Variants in PRKN observed in about 807,000 individuals in gnomAD.
PRKN encodes parkin RBR E3 ubiquitin protein ligase, also known as E3 ubiquitin-protein ligase parkin.
A neutral mutation model predicts 59.5 loss-of-function variants in PRKN; 56 were observed. That is an observed-to-expected ratio of 0.94 (90% CI 0.76 to 1.18). The LOEUF is 1.18. Ranked by LOEUF, PRKN falls within the 50% of genes most tolerant of loss-of-function variation. PRKN has a pLI of 0.00. For synonymous variants in PRKN, 250 were observed against 222.1 expected, an observed-to-expected ratio of 1.13 and a Z score of -1.12; for missense variants, 657 against 596.4, an observed-to-expected ratio of 1.10 and a Z score of -1.06.
chr6:162,224,202 C>T (rs115927042), intron 3 of PRKN, among the ~76,000 whole-genome samples: 1,674 of 152,214 alleles, frequency 0.011, 35 homozygotes, highest in African/African-American at 0.038. Flanking sequence ...TACAGAACTG[C>T]CTAACAATGT....
At chr6:161,599,208 T>A (rs9458313) in intron 7 of PRKN, among the ~76,000 whole-genome samples, 1,939 of 152,304 alleles carry the variant, frequency 0.013, 49 homozygotes, top group African/African-American at 0.043. Flanking sequence ...TTTTAAGCCA[T>A]CCAAGCTTGT....
intron 3 of PRKN, among the ~76,000 whole-genome samples, chr6:162,249,097 C>G (rs182450668): frequency 2.6e-5 from 4 of 152,214 alleles, no homozygotes; most frequent in African/African-American, 7.2e-5. Flanking sequence ...CCAGGATGGT[C>G]TCGATCTCTT....
rs975667788 is a variant in PRKN, at chr6:161,378,061, C to A, written c.1167+8733G>T. ...ATACAAGCTCCTAAGCAGTGGCAAA[C>A]GTCTTGGCAGCCTCTTTAAGGGCAG... On this transcript the variant is annotated intron_variant, in intron 10 of 11. Coordinates refer to ENST00000366898, the MANE Select transcript of PRKN (RefSeq NM_004562.3). The surrounding 1 kb of genome is among the most constrained non-coding windows in gnomAD (Gnocchi z 7.3). Among the ~76,000 whole-genome samples, 4 of 152,130 alleles carry A rather than the reference C, an allele frequency of 2.6e-5. No individual in the cohort carries two copies. Among genetic ancestry groups the A allele is most frequent in the Non-Finnish European group, 5.9e-5 (4 of 68,024 alleles).
At chr6:161,587,583 T>A (rs10484814) in intron 7 of PRKN, among the ~76,000 whole-genome samples, 27,544 of 152,170 alleles carry the variant, frequency 0.18, 3,086 homozygotes, top group East Asian at 0.54. Context: ...ATAAGTTTGA[T>A]CATTCTTATG....
At chr6:162,725,684 G>C (rs1372743321) in intron 1 of PRKN, among the ~76,000 whole-genome samples, 1 of 151,682 alleles carries the variant, frequency 6.6e-6, no homozygotes, top group Non-Finnish European at 1.5e-5. Context: ...GATCACTTGA[G>C]CCCAGGAGTT....
intron 9 of PRKN, among the ~76,000 whole-genome samples, chr6:161,474,752 G>A (rs956183525): frequency 2.0e-5 from 3 of 150,614 alleles, no homozygotes; most frequent in Non-Finnish European, 4.4e-5. Flanking sequence ...TCGCCATCAT[G>A]CCTGGCTAAC....
intron 2 of PRKN, among the ~76,000 whole-genome samples, chr6:162,426,237 TAG>T (rs1789232548): frequency 2.0e-5 from 3 of 151,912 alleles, no homozygotes; most frequent in African/African-American, 7.3e-5. Flanking sequence ...GAAAGACAAA[TAG>T]ACAAACAGAA....
At chr6:161,770,277 C>T (rs543787797) in intron 7 of PRKN, among the ~76,000 whole-genome samples, 2 of 152,134 alleles carry the variant, frequency 1.3e-5, no homozygotes, top group Non-Finnish European at 2.9e-5. Context: ...GCAGAACTTA[C>T]ATACAGAGGG....
At chr6:162,052,650 T>C (rs935063922) in intron 5 of PRKN, among the ~76,000 whole-genome samples, 12 of 152,114 alleles carry the variant, frequency 7.9e-5, no homozygotes, top group Middle Eastern at 3.2e-3. Context: ...GACCCAGGAC[T>C]TTCTGTGCCG....
Position 161,361,360 on chromosome 6 carries a change from G to T in PRKN, c.1168-1155C>A, listed in dbSNP as rs1224821724. On this transcript the variant is annotated intron_variant, in intron 10 of 11. Transcript: ENST00000366898. This position sits in a 1 kb window ranked among gnomAD's most constrained non-coding sequence, Gnocchi z 5.2. ...GGAAAGTCAATTCTTCCAGAGCCAA[G>T]ATCACATTTGAGACATCCTCATATC... 6.6e-6 allele frequency among the ~76,000 whole-genome samples: 1 copy of T among 152,192 alleles called. No homozygotes were observed. Among genetic ancestry groups the T allele is most frequent in the Non-Finnish European group, 1.5e-5 (1 of 68,032 alleles).
At position 161,892,598 on chromosome 6, in the gene PRKN, G is replaced by T. The variant is rs116861668; in HGVS notation, c.734+80704C>A. 7.9e-5 allele frequency among the ~76,000 whole-genome samples: 12 copies of T among 152,144 alleles called. No homozygotes were observed. The East Asian group carries it at 2.1e-3, about 27-fold the overall frequency. On this transcript the variant is annotated intron_variant, in intron 6 of 11. Coordinates refer to ENST00000366898, the MANE Select transcript of PRKN (RefSeq NM_004562.3). Reference sequence around the variant, plus strand: ...AGAAACTACAGCAAGTTTGTTTTCAGAAACCAAAGAGGCTGAGGTGGGAGG... The same window carrying T: ...AGAAACTACAGCAAGTTTGTTTTCATAAACCAAAGAGGCTGAGGTGGGAGG...
rs1460765678 is a variant in PRKN, at chr6:161,402,272, A to G, written c.1084-15395T>C. Among the ~76,000 whole-genome samples the G allele has an allele frequency of 6.6e-6, 1 of 152,184 alleles. No homozygotes were observed. The highest frequency in any genetic ancestry group is 1.5e-5 in the Non-Finnish European group (1 of 68,036). ...ACACCTTGCAGTGTCTTATGAAATT[A>G]TAAAATAAAACCCAGACTTATAAGA... On this transcript the variant is annotated intron_variant, in intron 9 of 11. Transcript: ENST00000366898. The surrounding 1 kb of genome is among the most constrained non-coding windows in gnomAD (Gnocchi z 4.5).
chr6:162,279,761 T>A (rs996284808), intron 2 of PRKN, among the ~76,000 whole-genome samples: 2 of 152,192 alleles, frequency 1.3e-5, no homozygotes, highest in Non-Finnish European at 2.9e-5. Context: ...TGTTTAATAC[T>A]GACAGTGGGG....
chr6:161,733,796 A>G (rs201720285), intron 7 of PRKN, among the ~76,000 whole-genome samples: 32 of 77,206 alleles, frequency 4.1e-4, no homozygotes, highest in East Asian at 1.8e-3. Flanking sequence ...ATATATATAT[A>G]TGTATATATA....
chr6:162,335,215 T>G (rs1173113153), intron 2 of PRKN, among the ~76,000 whole-genome samples: 1 of 151,664 alleles, frequency 6.6e-6, no homozygotes, highest in Non-Finnish European at 1.5e-5. Context: ...TTAATTGTTG[T>G]ATTTTTAGTA....
chr6:162,358,006 T>C (rs931021448), intron 2 of PRKN, among the ~76,000 whole-genome samples: 1 of 152,120 alleles, frequency 6.6e-6, no homozygotes, highest in East Asian at 1.9e-4. Flanking sequence ...CATTAGATAT[T>C]TGTCAAAACC....
intron 1 of PRKN, among the ~76,000 whole-genome samples, chr6:162,576,388 A>C (rs746630111): frequency 2.0e-5 from 3 of 152,234 alleles, no homozygotes; most frequent in Non-Finnish European, 2.9e-5. Flanking sequence ...AGATGAAATC[A>C]ACGCTGCATT....
chr6:161,793,955 A>G (rs1790737871), intron 6 of PRKN, among the ~76,000 whole-genome samples: 1 of 152,152 alleles, frequency 6.6e-6, no homozygotes. Flanking sequence ...GTTAAATTCA[A>G]GAGACTTTCT....
rs575631691 is a variant in PRKN at position 161,909,184 on chromosome 6, G to A, written c.734+64118C>T. On this transcript the variant is annotated intron_variant, in intron 6 of 11. Coordinates refer to ENST00000366898, the MANE Select transcript of PRKN (RefSeq NM_004562.3). The stretch of plus-strand genomic sequence containing the variant: ...TAAAAGAATCTCACGTTGTTAATGA[G>A]CATCACAATAGGCTCTGCTCATGAG... Among the ~76,000 whole-genome samples, 4 of 152,300 alleles carry A rather than the reference G, an allele frequency of 2.6e-5. No homozygotes were observed. The South Asian group carries it at 8.3e-4, about 32-fold the overall frequency.
Sources: allele counts gnomAD v4.1 joint callset (sites outside exome capture counted in the v4.1 genomes callset), GRCh38; gene constraint gnomAD v4.1.1; non-coding constraint Gnocchi (gnomAD v3.1); transcripts MANE v1.5; gene names NCBI Gene and HGNC (gene_info 2026-07-23, HGNC 2026-07-21).